The following DLG2 variants were observed in gnomAD, a reference collection of about 807,000 sequenced individuals.
DLG2 encodes disks large homolog 2.
A neutral mutation model predicts 132.5 loss-of-function variants in DLG2; 45 were observed. The observed-to-expected ratio is 0.34, with a 90% CI of 0.27 to 0.44. DLG2 has a LOEUF of 0.44. Ranked by LOEUF, DLG2 falls within the 20% of genes least tolerant of loss-of-function variation. The probability of loss-of-function intolerance (pLI) is 1.00; values close to 1 mark genes in which losing one functional copy is unlikely to be tolerated. For synonymous variants in DLG2, 424 were observed against 419.6 expected, an observed-to-expected ratio of 1.01 and a Z score of -0.13; for missense variants, 1,045 against 1,196.9, an observed-to-expected ratio of 0.87 and a Z score of 1.87.
chr11:84,588,782 G>GA (rs55809725), intron 6 of DLG2, among the ~76,000 whole-genome samples: 27,227 of 136,656 alleles, frequency 0.2, 2,640 homozygotes, highest in South Asian at 0.3. Flanking sequence ...TAGCATATGT[G>GA]AAAAAAAAAA....
At chr11:84,329,810 T>C (rs969512464) in intron 7 of DLG2, among the ~76,000 whole-genome samples, 1 of 152,212 alleles carries the variant, frequency 6.6e-6, no homozygotes, top group African/African-American at 2.4e-5. Context: ...AAACACTGTT[T>C]TCTATGTTTG....
chr11:85,226,517 C>T (rs372361027), intron 4 of DLG2, among the ~76,000 whole-genome samples: 8 of 152,010 alleles, frequency 5.3e-5, no homozygotes, highest in African/African-American at 1.2e-4. Context: ...CTCGCCACTA[C>T]GCTCTAGCCT....
intron 15 of DLG2, among the ~76,000 whole-genome samples, chr11:83,918,395 C>T (rs2077276535): frequency 6.6e-6 from 1 of 152,146 alleles, no homozygotes; most frequent in South Asian, 2.1e-4. Flanking sequence ...TCACACCTAT[C>T]CTGATTTCCT....
intron 7 of DLG2, among the ~76,000 whole-genome samples, chr11:84,491,950 G>T (rs752265245): frequency 6.6e-6 from 1 of 152,068 alleles, no homozygotes; most frequent in African/African-American, 2.4e-5. Context: ...AGGAAAGTGT[G>T]TTACTTTCCC....
intron 6 of DLG2, among the ~76,000 whole-genome samples, chr11:84,979,451 T>C (rs2055403768): frequency 6.6e-6 from 1 of 152,160 alleles, no homozygotes; most frequent in African/African-American, 2.4e-5. Flanking sequence ...ATGTGGCACA[T>C]ATACACCATG....
At chr11:83,845,792 T>A (rs2058499339) in intron 16 of DLG2, among the ~76,000 whole-genome samples, 1 of 152,186 alleles carries the variant, frequency 6.6e-6, no homozygotes, top group South Asian at 2.1e-4. Context: ...TGAATCATAA[T>A]CCTACCAATA....
At chr11:84,596,051 A>AT (rs1373506527) in intron 6 of DLG2, among the ~76,000 whole-genome samples, 2 of 152,184 alleles carry the variant, frequency 1.3e-5, no homozygotes, top group Non-Finnish European at 2.9e-5. Context: ...GAGAAAAAAT[A>AT]TTTTTTCCAC....
chr11:84,343,925 AG>A (rs1204348922), intron 7 of DLG2, among the ~76,000 whole-genome samples: 1 of 152,224 alleles, frequency 6.6e-6, no homozygotes, highest in African/African-American at 2.4e-5. Flanking sequence ...ATGAGAAATC[AG>A]CATAATTATT....
intron 16 of DLG2, among the ~76,000 whole-genome samples, chr11:83,840,840 T>C (rs2057369565): frequency 1.3e-5 from 2 of 152,238 alleles, no homozygotes; most frequent in African/African-American, 2.4e-5. Flanking sequence ...GTGCTCAGAA[T>C]GGTACTTGAC....
chr11:85,566,643 G>A (rs1321435470), intron 3 of DLG2, among the ~76,000 whole-genome samples: 4 of 152,040 alleles, frequency 2.6e-5, no homozygotes, highest in Non-Finnish European at 5.9e-5. Flanking sequence ...TTCACAAGGG[G>A]TCTGTCCTCA....
intron 12 of DLG2, among the ~76,000 whole-genome samples, chr11:83,976,838 A>C (rs1172455453): frequency 1.3e-5 from 2 of 151,920 alleles, no homozygotes; most frequent in East Asian, 3.9e-4. Context: ...CTTGACTTCT[A>C]TTACACACTA....
chr11:84,150,943 C>T (rs143065808), intron 9 of DLG2, among the ~76,000 whole-genome samples: 1 of 152,274 alleles, frequency 6.6e-6, no homozygotes, highest in African/African-American at 2.4e-5. Context: ...AACCTCACAT[C>T]CCAGAAATAA....
chr11:85,461,524 C>A (rs1299977048), intron 3 of DLG2, among the ~76,000 whole-genome samples: 1 of 152,154 alleles, frequency 6.6e-6, no homozygotes, highest in Admixed American at 6.5e-5. Flanking sequence ...TGTAGCAATA[C>A]TGAGAGTGAG....
At chr11:85,137,348 C>G (rs1594750876) in intron 5 of DLG2, among the ~76,000 whole-genome samples, 1 of 152,052 alleles carries the variant, frequency 6.6e-6, no homozygotes, top group Non-Finnish European at 1.5e-5. Flanking sequence ...ATTATAATCC[C>G]TATTTTATAG....
chr11:83,653,362 C>G (rs556562753), intron 18 of DLG2, among the ~76,000 whole-genome samples: 1 of 152,318 alleles, frequency 6.6e-6, no homozygotes, highest in African/African-American at 2.4e-5. Flanking sequence ...CAAATGCAAG[C>G]AACAATCCCT....
chr11:85,229,736 A>T (rs567925580), intron 4 of DLG2, among the ~76,000 whole-genome samples: 1 of 152,284 alleles, frequency 6.6e-6, no homozygotes, highest in African/African-American at 2.4e-5. Context: ...ACTTGGAACC[A>T]ACCCAAATGC....
chr11:85,364,581 T>C (rs2084395653), intron 3 of DLG2, among the ~76,000 whole-genome samples: 1 of 152,172 alleles, frequency 6.6e-6, no homozygotes, highest in Admixed American at 6.5e-5. Context: ...CTGCCTTTTT[T>C]CCTTACTGCC....
At chr11:83,618,653 T>A (rs947015708) in intron 19 of DLG2, among the ~76,000 whole-genome samples, 1 of 152,196 alleles carries the variant, frequency 6.6e-6, no homozygotes, top group Non-Finnish European at 1.5e-5. Flanking sequence ...CCCAAGCTTT[T>A]GGCCTACTCT....
At chr11:84,122,440 A>T (rs536434511) in intron 9 of DLG2, among the ~76,000 whole-genome samples, 3 of 152,338 alleles carry the variant, frequency 2.0e-5, no homozygotes, top group South Asian at 2.1e-4. Flanking sequence ...TGATTAGTCA[A>T]CTGATGACCA....
Sources: allele counts gnomAD v4.1 joint callset (sites outside exome capture counted in the v4.1 genomes callset), GRCh38; gene constraint gnomAD v4.1.1; transcripts MANE v1.5; gene names NCBI Gene and HGNC (gene_info 2026-07-23, HGNC 2026-07-21).